The following EPHA6 variants were observed in gnomAD, a reference collection of about 807,000 sequenced individuals.
EPHA6 encodes ephrin type-A receptor 6.
EPHA6 carries 50 observed loss-of-function variants against 112.0 expected under a neutral mutation model. The observed-to-expected ratio is 0.45, with a 90% CI of 0.36 to 0.56. EPHA6 has a LOEUF of 0.56. Ranked by LOEUF, EPHA6 falls within the 20% of genes least tolerant of loss-of-function variation. The pLI is 0.00. For missense variants in EPHA6, 1,280 were observed against 1,417.4 expected (o/e 0.90, Z 1.56); for synonymous variants, 529 against 490.7 (o/e 1.08, Z -1.03).
chr3:97,539,161 T>A (rs2092812564), intron 11 of EPHA6, among the ~76,000 whole-genome samples: 1 of 150,372 alleles, frequency 6.7e-6, no homozygotes, highest in East Asian at 1.9e-4. Context: ...TTCTTTTTTT[T>A]TTTTGAGACA....
chr3:97,128,148 A>C (rs916173431), intron 3 of EPHA6, among the ~76,000 whole-genome samples: 2 of 152,158 alleles, frequency 1.3e-5, no homozygotes, highest in African/African-American at 2.4e-5. Context: ...ACTTAAAATA[A>C]TGCTCTCCAG....
chr3:97,667,509 TA>T (rs1691973224), intron 14 of EPHA6, among the ~76,000 whole-genome samples: 1 of 152,230 alleles, frequency 6.6e-6, no homozygotes, highest in South Asian at 2.1e-4. Flanking sequence ...ATTAGGAATT[TA>T]TGTTATACAA....
intron 11 of EPHA6, among the ~76,000 whole-genome samples, chr3:97,543,852 A>T (rs2092905630): frequency 6.6e-6 from 1 of 151,916 alleles, no homozygotes; most frequent in Non-Finnish European, 1.5e-5. Flanking sequence ...ATTCTCTTTG[A>T]AGCAATTGTG....
chr3:96,865,097 C>T (rs951383069), intron 1 of EPHA6, among the ~76,000 whole-genome samples: 1 of 151,860 alleles, frequency 6.6e-6, no homozygotes, highest in Non-Finnish European at 1.5e-5. Context: ...CTGTTTTTTA[C>T]TACTTCAAAA....
intron 3 of EPHA6, among the ~76,000 whole-genome samples, chr3:97,154,304 C>T (rs964224829): frequency 6.6e-6 from 1 of 151,968 alleles, no homozygotes; most frequent in African/African-American, 2.4e-5. Context: ...TTTTCTTCCC[C>T]TATGTATATT....
chr3:97,461,486 G>A (rs1300188203), intron 7 of EPHA6, among the ~76,000 whole-genome samples: 1 of 152,112 alleles, frequency 6.6e-6, no homozygotes, highest in Non-Finnish European at 1.5e-5. Context: ...CTTAACAACA[G>A]AAGAGTATCC....
chr3:97,413,267 T>C (rs2087861655), intron 6 of EPHA6, among the ~76,000 whole-genome samples: 1 of 151,904 alleles, frequency 6.6e-6, no homozygotes, highest in African/African-American at 2.4e-5. Context: ...TCTCAACTGA[T>C]AGAGGTTTAT....
chr3:97,624,842 A>G (rs768541475), intron 13 of EPHA6, among the ~76,000 whole-genome samples: 63 of 151,546 alleles, frequency 4.2e-4, no homozygotes, highest in Admixed American at 1.8e-3. Context: ...TTCACATACA[A>G]TCATTTATAG....
intron 3 of EPHA6, among the ~76,000 whole-genome samples, chr3:97,158,690 A>G (rs1167024239): frequency 6.6e-6 from 1 of 152,140 alleles, no homozygotes; most frequent in Non-Finnish European, 1.5e-5. Context: ...TGCATTTTTT[A>G]CATAAGATGA....
chr3:97,037,109 A>T lies in EPHA6; in HGVS notation c.1114+49116A>T, dbSNP rs115426710. ...TGTATTTGAACAAACTAGATGGTAAATTTCTTATCCAAATTTATTAAAGCA... is the reference window on the plus strand; with the variant it reads ...TGTATTTGAACAAACTAGATGGTAATTTTCTTATCCAAATTTATTAAAGCA... On this transcript the variant is annotated intron_variant, in intron 3 of 17. Coordinates refer to ENST00000389672, the MANE Select transcript of EPHA6 (RefSeq NM_001080448.3). Among the ~76,000 whole-genome samples, 1,472 of 152,176 alleles carry T rather than the reference A, an allele frequency of 9.7e-3. 19 individuals carry two copies. The highest frequency in any genetic ancestry group is 0.026 in the South Asian group (125 of 4,824).
intron 14 of EPHA6, among the ~76,000 whole-genome samples, chr3:97,691,561 G>A (rs2032667232): frequency 6.6e-6 from 1 of 152,080 alleles, no homozygotes; most frequent in Non-Finnish European, 1.5e-5. Context: ...GTTAGGGAAA[G>A]GGTTACTGAC....
chr3:97,008,869 A>G (rs2043980125), intron 3 of EPHA6, among the ~76,000 whole-genome samples: 1 of 151,850 alleles, frequency 6.6e-6, no homozygotes, highest in South Asian at 2.1e-4. Flanking sequence ...TTTTCTTTCA[A>G]TAGTCAGGTC....
intron 3 of EPHA6, among the ~76,000 whole-genome samples, chr3:97,223,109 T>G (rs998479600): frequency 6.6e-6 from 1 of 152,236 alleles, no homozygotes; most frequent in African/African-American, 2.4e-5. Context: ...AGGAGATCTT[T>G]GGCAATTCAT....
At chr3:97,015,047 A>T (rs1384972960) in intron 3 of EPHA6, among the ~76,000 whole-genome samples, 4 of 152,318 alleles carry the variant, frequency 2.6e-5, no homozygotes, top group African/African-American at 9.6e-5. Context: ...ACTGAAAATT[A>T]TTGACACAAG....
At chr3:97,743,764 A>G (rs965156300) in intron 16 of EPHA6, among the ~76,000 whole-genome samples, 4 of 152,058 alleles carry the variant, frequency 2.6e-5, no homozygotes, top group African/African-American at 9.7e-5. Flanking sequence ...TTAAAACAGA[A>G]TCTTAGCTTG....
intron 14 of EPHA6, among the ~76,000 whole-genome samples, chr3:97,716,016 A>G (rs1199260821): frequency 2.6e-5 from 4 of 152,220 alleles, no homozygotes; most frequent in Non-Finnish European, 5.9e-5. Context: ...AGTCACTTTG[A>G]TTAGCATCTT....
In EPHA6 at chr3:97,759,198, T is replaced by C. The variant is rs1043278136; in HGVS notation, c.*10497T>C. On this transcript the variant is annotated 3_prime_UTR_variant, in exon 18 of 18. Coordinates refer to ENST00000389672, the MANE Select transcript of EPHA6 (RefSeq NM_001080448.3). ...AAGTCAAGATTAGAACAAAGACATG[T>C]CCATGGGAATTAGCAACATGGAAGT... 2.0e-5 allele frequency among the ~76,000 whole-genome samples: 3 copies of C among 151,970 alleles called. No homozygotes were observed. The highest frequency in any genetic ancestry group is 6.6e-5 in the Admixed American group (1 of 15,254).
chr3:96,829,949 G>GCGCGCGCGCGTGCGCACA (rs373416797), intron 1 of EPHA6, among the ~76,000 whole-genome samples: 2 of 136,034 alleles, frequency 1.5e-5, no homozygotes, highest in African/African-American at 6.0e-5. Flanking sequence ...GCGCGCGCGC[G>GCGCGCGCGCGTGCGCACA]CACACACACA....
chr3:97,572,163 T>C (rs1037708803), intron 11 of EPHA6, among the ~76,000 whole-genome samples: 7 of 149,380 alleles, frequency 4.7e-5, no homozygotes, highest in African/African-American at 1.2e-4. Context: ...TTTTTTTTTT[T>C]TTTTTGAGAC....
Sources: gnomAD v4.1 joint callset for allele counts (sites outside exome capture counted in the v4.1 genomes callset) on GRCh38, gnomAD v4.1.1 for gene constraint, MANE v1.5 for transcripts, NCBI Gene and HGNC (gene_info 2026-07-23, HGNC 2026-07-21) for gene names.